NT5DC1: variants seen among roughly 807,000 people sequenced by gnomAD.
NT5DC1 encodes 5'-nucleotidase domain containing 1, also known as 5'-nucleotidase domain-containing protein 1.
A neutral mutation model predicts 59.4 loss-of-function variants in NT5DC1; 42 were observed. The observed-to-expected ratio is 0.71, with a 90% confidence interval of 0.55 to 0.92. NT5DC1 has a LOEUF of 0.92. NT5DC1 is among the 40% of genes least tolerant of loss of function. The pLI, the probability that NT5DC1 is intolerant of heterozygous loss-of-function variation, is 0.00. For missense variants in NT5DC1, 501 were observed against 537.1 expected, an observed-to-expected ratio of 0.93 and a Z score of 0.66; for synonymous variants, 172 against 188.1, an observed-to-expected ratio of 0.91 and a Z score of 0.70.
In NT5DC1 at chr6:116,178,052, A is replaced by AGTGTGTGTGTGT. The variant is rs61085607; in HGVS notation, c.530-42976_530-42965dup. On this transcript the variant is annotated intron_variant, in intron 6 of 11. Transcript: ENST00000319550. ...GCTTTCATAACTTTACAAAGAGGAA[A>AGTGTGTGTGTGT]GTGTGTGTGTGTGTGTGTGTGTGTG... Among the ~76,000 whole-genome samples the AGTGTGTGTGTGT allele has an allele frequency of 4.7e-3, 638 of 136,378 alleles. 6 individuals carry two copies. Among genetic ancestry groups the AGTGTGTGTGTGT allele is most frequent in the Middle Eastern group, 0.015 (4 of 268 alleles). The allele number at this position is 136,378 out of a possible 152,430, so 89.5% of individuals were successfully genotyped here.
At chr6:116,140,583 T>A (rs1779741658) in intron 6 of NT5DC1, among the ~76,000 whole-genome samples, 1 of 152,144 alleles carries the variant, frequency 6.6e-6, no homozygotes, top group African/African-American at 2.4e-5. Flanking sequence ...CCCTATGCCA[T>A]CTCCCTGATG....
intron 6 of NT5DC1, among the ~76,000 whole-genome samples, chr6:116,212,403 T>C (rs1781598848): frequency 6.6e-6 from 1 of 152,144 alleles, no homozygotes; most frequent in South Asian, 2.1e-4. Flanking sequence ...AGGGCTTTCC[T>C]ATTTATATAA....
intron 4 of NT5DC1, 26 bp downstream of exon 4, chr6:116,110,982 C>T (rs1168137677): frequency 5.7e-6 from 8 of 1,404,810 alleles, no homozygotes; most frequent in Non-Finnish European, 8.1e-6. Flanking sequence ...GGCAGCTCCA[C>T]CATCCGCTCC....
At chr6:116,238,693 A>T (rs1782171884) in intron 10 of NT5DC1, among the ~76,000 whole-genome samples, 1 of 152,082 alleles carries the variant, frequency 6.6e-6, no homozygotes, top group Admixed American at 6.5e-5. Flanking sequence ...GGAAAAAATT[A>T]TGTTTTCTAG....
At chr6:116,117,100 A>G (rs2114264565) in intron 5 of NT5DC1, among the ~76,000 whole-genome samples, 1 of 152,298 alleles carries the variant, frequency 6.6e-6, no homozygotes, top group African/African-American at 2.4e-5. Context: ...TTCTAAAGTA[A>G]CTAGCTTTTG....
intron 6 of NT5DC1, among the ~76,000 whole-genome samples, chr6:116,118,573 G>C (rs1038622241): frequency 4.3e-5 from 5 of 115,554 alleles, no homozygotes; most frequent in Non-Finnish European, 8.6e-5. Context: ...ATGTTGCCTT[G>C]TGATTGACAA....
chr6:116,230,092 A>G (rs962659996), intron 8 of NT5DC1, among the ~76,000 whole-genome samples: 3 of 152,088 alleles, frequency 2.0e-5, no homozygotes, highest in African/African-American at 7.2e-5. Context: ...TATGCATTAA[A>G]TCCTGCTTAA....
At chr6:116,120,354 T>C (rs1185677101) in intron 6 of NT5DC1, 1 of 1,614,270 alleles carries the variant, frequency 6.2e-7, no homozygotes, top group Admixed American at 1.7e-5. Context: ...CAAGTAAAGA[T>C]TCCAGTCCTT....
chr6:116,105,117 AG>A (rs1000232019), intron 1 of NT5DC1, among the ~76,000 whole-genome samples: 6 of 152,196 alleles, frequency 3.9e-5, no homozygotes, highest in African/African-American at 1.4e-4. Context: ...GCTTTATGAC[AG>A]GGAGCAACTC....
At chr6:116,149,360 G>A (rs555836958) in intron 6 of NT5DC1, among the ~76,000 whole-genome samples, 5 of 152,184 alleles carry the variant, frequency 3.3e-5, no homozygotes, top group South Asian at 2.1e-4. Flanking sequence ...CTTCCAGTAC[G>A]TATGACAGGA....
At chr6:116,119,094 G>C (rs1474936795) in intron 6 of NT5DC1, 1 of 152,596 alleles carries the variant, frequency 6.6e-6, no homozygotes, top group Non-Finnish European at 1.5e-5. Context: ...TAATAAGTGA[G>C]GCACAGCTTA....
intron 6 of NT5DC1, among the ~76,000 whole-genome samples, chr6:116,147,806 T>C (rs1197097236): frequency 2.0e-5 from 3 of 152,158 alleles, no homozygotes; most frequent in Non-Finnish European, 4.4e-5. Flanking sequence ...TATACCATTG[T>C]TTGTAATAGC....
chr6:116,182,537 C>T (rs911406369), intron 6 of NT5DC1, among the ~76,000 whole-genome samples: 6 of 152,038 alleles, frequency 3.9e-5, no homozygotes, highest in East Asian at 1.9e-4. Context: ...ACCACATCCA[C>T]GCCAACACCT....
In NT5DC1 at chr6:116,117,841, AT is replaced by A. The variant is rs752029494; in HGVS notation, c.445-17del. 3 of 1,389,194 alleles carry A rather than the reference AT, an allele frequency of 2.2e-6. No homozygotes were observed. The highest frequency in any genetic ancestry group is 3.1e-6 in the Non-Finnish European group (3 of 983,262). 86.1% of individuals were successfully genotyped at this position (1,389,194 alleles called of 1,614,324 possible). ...AAAACTGAATTATTGTGTTTGTTTC[AT>A]TTGGAATTATTTTTTCAGCTGAACA... On this transcript the variant is annotated intron_variant, in intron 5 of 11. Coordinates refer to ENST00000319550, the MANE Select transcript of NT5DC1 (RefSeq NM_152729.3).
intron 6 of NT5DC1, chr6:116,120,533 G>A: frequency 8.1e-6 from 13 of 1,613,998 alleles, no homozygotes; most frequent in Non-Finnish European, 1.0e-5. Context: ...CCTTTGGCCT[G>A]CCTTTATAAA....
intron 6 of NT5DC1, among the ~76,000 whole-genome samples, chr6:116,197,924 C>T (rs892455344): frequency 2.0e-5 from 3 of 152,052 alleles, no homozygotes; most frequent in African/African-American, 7.2e-5. Flanking sequence ...CAAATAGCTT[C>T]ACCCCAGATA....
At chr6:116,231,148 T>TCCCCCC (rs34977850) in intron 8 of NT5DC1, among the ~76,000 whole-genome samples, 2 of 116,682 alleles carry the variant, frequency 1.7e-5, no homozygotes, top group African/African-American at 7.0e-5. Flanking sequence ...GAATGGTAAA[T>TCCCCCC]CCCCCCCCCA....
rs371251309 is a variant in NT5DC1 at position 116,135,420 on chromosome 6, A to C, written c.529+17475A>C. ...TGTAGCATCCATAACCGCCCCCCCC[A>C]CCTTTTTATTTAACAACTCCATGTG... On this transcript the variant is annotated intron_variant, in intron 6 of 11. Transcript: ENST00000319550. 2.4e-3 allele frequency among the ~76,000 whole-genome samples: 370 copies of C among 151,312 alleles called. 9 individuals are homozygous for C. In the South Asian group the frequency reaches 0.041, roughly 17 times the overall value.
chr6:116,219,849 C>T (rs1345121750), intron 6 of NT5DC1, among the ~76,000 whole-genome samples: 1 of 150,992 alleles, frequency 6.6e-6, no homozygotes, highest in Non-Finnish European at 1.5e-5. Context: ...GTAGTCCCAG[C>T]TACTAGGGAG....
Sources: allele counts gnomAD v4.1 joint callset (sites outside exome capture counted in the v4.1 genomes callset), GRCh38; gene constraint gnomAD v4.1.1; transcripts MANE v1.5; gene names NCBI Gene and HGNC (gene_info 2026-07-23, HGNC 2026-07-21).